TIPIN: variants seen among roughly 807,000 people sequenced by gnomAD.
TIPIN encodes TIMELESS interacting protein.
A neutral mutation model predicts 35.6 loss-of-function variants in TIPIN; 29 were observed. The observed-to-expected ratio is 0.82, with a 90% CI of 0.61 to 1.11. The LOEUF is 1.11. Among genes scored for constraint, TIPIN ranks in the 50% most tolerant of loss-of-function variants. The probability of loss-of-function intolerance (pLI) is 0.00; values close to 1 mark genes in which losing one functional copy is unlikely to be tolerated. For synonymous variants in TIPIN, 102 were observed against 121.5 expected, an observed-to-expected ratio of 0.84 and a Z score of 1.06; for missense variants, 296 against 345.4, an observed-to-expected ratio of 0.86 and a Z score of 1.13.
At chr15:66,346,386 T>C (rs1030618708) in intron 6 of TIPIN, among the ~76,000 whole-genome samples, 1 of 151,958 alleles carries the variant, frequency 6.6e-6, no homozygotes, top group Admixed American at 6.6e-5. Flanking sequence ...TTCAAAATAC[T>C]TTTTTTCTTT....
Position 66,374,346 on chromosome 15 carries a change from T to A in TIPIN, c.-9+12261A>T, listed in dbSNP as rs1190862979. 2.0e-5 allele frequency among the ~76,000 whole-genome samples: 3 copies of A among 151,686 alleles called. No homozygotes were observed. In the East Asian group the frequency reaches 5.8e-4, roughly 29 times the overall value. On this transcript the variant is annotated intron_variant, in intron 1 of 7. Transcript: ENST00000562124. ...AGGAATTTCAGCATCTTTTCATATA[T>A]TTATCGACTATTTGGATATCTTCCC...
chr15:66,371,922 G>C (rs1031379156), intron 1 of TIPIN, among the ~76,000 whole-genome samples: 3 of 152,106 alleles, frequency 2.0e-5, no homozygotes, highest in Non-Finnish European at 4.4e-5. Context: ...AGGCTCCTGA[G>C]TAGGTGGGAC....
At chr15:66,379,199 C>G in intron 1 of TIPIN, 2 of 1,257,028 alleles carry the variant, frequency 1.6e-6, no homozygotes, top group Non-Finnish European at 2.1e-6. Context: ...TTGATTGCAT[C>G]TTTGATGCAC....
At chr15:66,386,704 A>C in exon 1 of TIPIN, 1 of 184,846 alleles carries the variant, frequency 5.4e-6, no homozygotes, top group Non-Finnish European at 1.1e-5. Context: ...CCTCGGGGCG[A>C]CAGAGGGCGC....
chr15:66,379,547 G>C (rs1324641865), intron 1 of TIPIN: 1 of 1,610,804 alleles, frequency 6.2e-7, no homozygotes, highest in Non-Finnish European at 8.5e-7. Context: ...GCACCCTGCG[G>C]ATGTATTTTT....
chr15:66,358,266 T>G (rs1471164056), upstream of TIPIN, among the ~76,000 whole-genome samples: 2 of 152,178 alleles, frequency 1.3e-5, no homozygotes, highest in African/African-American at 4.8e-5. Flanking sequence ...GGATGGGAAC[T>G]TAACTATAAT....
At chr15:66,385,713 T>G (rs763583596) in intron 1 of TIPIN, among the ~76,000 whole-genome samples, 1 of 152,150 alleles carries the variant, frequency 6.6e-6, no homozygotes, top group Non-Finnish European at 1.5e-5. Context: ...GGTCTTGAAC[T>G]CCTGACCTCG....
chr15:66,356,836 T>C, upstream of TIPIN: 1 of 553,554 alleles, frequency 1.8e-6, no homozygotes, highest in Non-Finnish European at 2.3e-6. Flanking sequence ...GTCCCACAAT[T>C]TCCGCCCTAC....
At position 66,364,733 on chromosome 15, in the gene TIPIN, G is replaced by A. The variant is rs1468975738; in HGVS notation, c.-8-11778C>T. Among the ~76,000 whole-genome samples, 4 of 152,062 alleles carry A rather than the reference G, an allele frequency of 2.6e-5. No individual in the cohort carries two copies. The South Asian group carries it at 6.2e-4, about 24-fold the overall frequency. On this transcript the variant is annotated intron_variant, in intron 1 of 7. Transcript: ENST00000562124. ...TCTAATCCCAGCACTTTGGGAGGCC[G>A]AGGCAGGCAGATCACCTGAGGCCAG... is the stretch of plus-strand genomic sequence containing the variant.
At chr15:66,340,848 T>C (rs1414240289) in intron 7 of TIPIN, among the ~76,000 whole-genome samples, 3 of 152,036 alleles carry the variant, frequency 2.0e-5, no homozygotes, top group African/African-American at 7.2e-5. Context: ...CCACCTACCT[T>C]GGCCTCCCAA....
intron 6 of TIPIN, among the ~76,000 whole-genome samples, chr15:66,347,509 G>A (rs2093135029): frequency 1.3e-5 from 2 of 152,060 alleles, no homozygotes; most frequent in Admixed American, 6.6e-5. Context: ...TGCTATATAG[G>A]ATCAGTGGGT....
intron 1 of TIPIN, among the ~76,000 whole-genome samples, chr15:66,367,250 ATATATC>A (rs72224909): frequency 0.097 from 7,746 of 80,040 alleles, 341 homozygotes; most frequent in Middle Eastern, 0.23. Flanking sequence ...ATATCTATCT[ATATATC>A]TATATCTATA....
chr15:66,349,387 C>G lies in TIPIN; in HGVS notation c.339G>C (p.Arg113Ser). ...CCTCAAACTGCAGTTTAGGGAATAG[C>G]CTATGTGCCCAGTGCTCCATGTGTC... The part of the protein sequence containing the change: ...LIRHMEHWAH[R>S]LFPKLQFEDF... Residue 113 changes from arginine (R) to serine (S), a missense_variant, in exon 5 of 8, where the codon AGG becomes AGC. Coordinates refer to ENST00000261881, the MANE Select transcript of TIPIN (RefSeq NM_017858.3). The G allele has an allele frequency of 6.2e-7, 1 of 1,614,048 alleles. No individual in the cohort carries two copies. Among genetic ancestry groups the G allele is most frequent in the Non-Finnish European group, 8.5e-7 (1 of 1,179,998 alleles).
intron 1 of TIPIN, among the ~76,000 whole-genome samples, chr15:66,381,979 C>T (rs1466845720): frequency 1.3e-5 from 2 of 152,054 alleles, no homozygotes; most frequent in African/African-American, 4.8e-5. Flanking sequence ...GCAGGAGAAC[C>T]GCTTGAACCT....
chr15:66,366,520 G>A lies in TIPIN; in HGVS notation c.-8-13565C>T, dbSNP rs1174751444. Reference sequence around the variant, plus strand: ...TGTAATTCCAGCACTTTGGGAGGCCGAGTCAGGAGGATCACGAGGTCAGGA... The same window carrying A: ...TGTAATTCCAGCACTTTGGGAGGCCAAGTCAGGAGGATCACGAGGTCAGGA... On this transcript the variant is annotated intron_variant, in intron 1 of 7. Transcript: ENST00000562124. Among the ~76,000 whole-genome samples, 8 of 149,128 alleles carry A rather than the reference G, an allele frequency of 5.4e-5. No homozygotes were observed. The South Asian group carries it at 1.3e-3, about 24-fold the overall frequency.
chr15:66,379,545 C>A (rs917557835), intron 1 of TIPIN: 7 of 1,610,528 alleles, frequency 4.3e-6, no homozygotes, highest in South Asian at 1.1e-5. Flanking sequence ...CCGCACCCTG[C>A]GGATGTATTT....
chr15:66,338,098 A>C (rs1232590474), intron 7 of TIPIN, among the ~76,000 whole-genome samples: 1 of 152,130 alleles, frequency 6.6e-6, no homozygotes, highest in African/African-American at 2.4e-5. Flanking sequence ...TCTACAAAAA[A>C]TACAAAAATT....
intron 1 of TIPIN, among the ~76,000 whole-genome samples, chr15:66,354,119 C>T (rs2093187854): frequency 6.6e-6 from 1 of 152,142 alleles, no homozygotes; most frequent in African/African-American, 2.4e-5. Flanking sequence ...CATCCTAGGG[C>T]TTCTTCATTC....
upstream of TIPIN, among the ~76,000 whole-genome samples, chr15:66,360,358 C>T (rs549726019): frequency 1.1e-4 from 16 of 152,252 alleles, no homozygotes; most frequent in South Asian, 3.3e-3. Flanking sequence ...GTAATCCCAC[C>T]ACTTTGGGAG....
Sources: allele counts gnomAD v4.1 joint callset (sites outside exome capture counted in the v4.1 genomes callset), GRCh38; gene constraint gnomAD v4.1.1; transcripts MANE v1.5; gene names NCBI Gene and HGNC (gene_info 2026-07-23, HGNC 2026-07-21).